The following CREB5 variants were observed in gnomAD, a reference collection of about 807,000 sequenced individuals.
CREB5 encodes the protein cyclic AMP-responsive element-binding protein 5.
In CREB5, 19 loss-of-function variants were observed where a neutral mutation model predicts 57.1. That is an observed-to-expected ratio of 0.33 (90% CI 0.23 to 0.49). The LOEUF is 0.49. CREB5 is among the 20% of genes least tolerant of loss of function. CREB5 has a pLI of 0.99. For synonymous variants in CREB5, 238 were observed against 238.3 expected (o/e 1.00, Z 0.01); for missense variants, 579 against 671.6 (o/e 0.86, Z 1.52).
rs538928344 is a variant in CREB5 at position 28,317,138 on chromosome 7, T to C, written c.-25+17697T>C. On this transcript the variant is annotated intron_variant, in intron 1 of 9. Transcript: ENST00000396299. ...CTGGCAGTATTTATCTGATGATTTT[T>C]TGCATTCTGCTGCCCATATTTCTGG... Among the ~76,000 whole-genome samples, 3 of 152,018 alleles carry C rather than the reference T, an allele frequency of 2.0e-5. No individual in the cohort carries two copies. The South Asian group carries it at 6.3e-4, about 32-fold the overall frequency.
At chr7:28,640,743 T>C (rs970064091) in intron 5 of CREB5, among the ~76,000 whole-genome samples, 1 of 152,180 alleles carries the variant, frequency 6.6e-6, no homozygotes, top group African/African-American at 2.4e-5. Flanking sequence ...AAATGTACGA[T>C]GCTCATTCCT....
intron 5 of CREB5, among the ~76,000 whole-genome samples, chr7:28,658,953 G>GTGTATATATATATATATATATA (rs1400561698): frequency 1.0e-5 from 1 of 99,584 alleles, no homozygotes; most frequent in African/African-American, 3.3e-5. Flanking sequence ...GTGTGTGTGT[G>GTGTATATATATATATATATATA]TATATATATA....
chr7:28,756,221 A>G (rs1210940484), intron 7 of CREB5, among the ~76,000 whole-genome samples: 1 of 151,998 alleles, frequency 6.6e-6, no homozygotes, highest in African/African-American at 2.4e-5. Context: ...GTCGCAGCCA[A>G]ATGAAGGGCT....
intron 7 of CREB5, among the ~76,000 whole-genome samples, chr7:28,803,823 A>G (rs1268121719): frequency 6.6e-6 from 1 of 151,610 alleles, no homozygotes; most frequent in Admixed American, 6.6e-5. Context: ...GTTCAGTGCT[A>G]TCACCATATT....
At chr7:28,614,762 T>C (rs1440101498) in intron 5 of CREB5, among the ~76,000 whole-genome samples, 3 of 152,172 alleles carry the variant, frequency 2.0e-5, no homozygotes, top group Non-Finnish European at 4.4e-5. Flanking sequence ...GTTAGGCTAA[T>C]GTCCCCATCC....
At chr7:28,359,743 C>T (rs1385298099) in intron 1 of CREB5, among the ~76,000 whole-genome samples, 1 of 152,076 alleles carries the variant, frequency 6.6e-6, no homozygotes, top group African/African-American at 2.4e-5. Context: ...ACTTAAAAAG[C>T]TTCTGTACAT....
rs367748074 is a variant in CREB5 at position 28,663,633 on chromosome 7, A to G, written c.465-55120A>G. ...TCTCTGGTTTCTACATGGAAGTATCAGAAACTGAAAGCCTGCTTTTACATG... is the reference window on the plus strand; with the variant it reads ...TCTCTGGTTTCTACATGGAAGTATCGGAAACTGAAAGCCTGCTTTTACATG... On this transcript the variant is annotated intron_variant, in intron 5 of 10. Coordinates refer to ENST00000357727, the MANE Select transcript of CREB5 (RefSeq NM_182898.4). 1.6e-4 allele frequency among the ~76,000 whole-genome samples: 24 copies of G among 152,352 alleles called. 1 individual carries two copies. Among genetic ancestry groups the G allele is most frequent in the Admixed American group, 6.5e-4 (10 of 15,306 alleles).
Position 28,377,171 on chromosome 7 carries a change from C to T in CREB5, c.-25+77730C>T, listed in dbSNP as rs537679501. On this transcript the variant is annotated intron_variant, in intron 1 of 9. Transcript: ENST00000396299. Reference sequence around the variant, plus strand: ...TCCCTTCCTAACATATAGGAATTGGCTCTCTTTTGCTCTGGGGAGCTACAG... The same window carrying T: ...TCCCTTCCTAACATATAGGAATTGGTTCTCTTTTGCTCTGGGGAGCTACAG... Among the ~76,000 whole-genome samples the T allele has an allele frequency of 3.3e-5, 5 of 152,252 alleles. No homozygotes were observed. The South Asian group carries it at 8.3e-4, about 25-fold the overall frequency.
intron 1 of CREB5, among the ~76,000 whole-genome samples, chr7:28,368,114 G>A (rs1007377054): frequency 6.6e-5 from 10 of 152,162 alleles, no homozygotes; most frequent in Non-Finnish European, 1.5e-4. Context: ...GGAACTGGAG[G>A]CCATTATCTT....
intron 5 of CREB5, among the ~76,000 whole-genome samples, chr7:28,613,396 G>T (rs1797473715): frequency 6.6e-6 from 1 of 152,158 alleles, no homozygotes; most frequent in Non-Finnish European, 1.5e-5. Context: ...AACAACTGAG[G>T]CTTAAATTGT....
chr7:28,475,250 C>CTT lies in CREB5; in HGVS notation c.4-12889_4-12888dup, dbSNP rs530903709. On this transcript the variant is annotated intron_variant, in intron 1 of 10. Coordinates refer to ENST00000357727, the MANE Select transcript of CREB5 (RefSeq NM_182898.4). The stretch of plus-strand genomic sequence containing the variant: ...CACTTCATGCGTTATTCAGAAGTTT[C>CTT]TTTTTTTTTTTTTTTTTTTTTTTTT... Among the ~76,000 whole-genome samples, 45 of 59,618 alleles carry CTT rather than the reference C, an allele frequency of 7.5e-4. 6 individuals carry two copies. The highest frequency in any genetic ancestry group is 1.1e-3 in the Non-Finnish European group (39 of 35,012). The allele number at this position is 59,618 out of a possible 152,430, so 39.1% of individuals were successfully genotyped here. A position where few individuals can be genotyped will look rare whatever the true frequency, so the allele number is the denominator to read the frequency against.
At chr7:28,563,760 C>T (rs1366139115) in intron 4 of CREB5, among the ~76,000 whole-genome samples, 1 of 152,140 alleles carries the variant, frequency 6.6e-6, no homozygotes, top group Non-Finnish European at 1.5e-5. Flanking sequence ...CCCCCCTGTG[C>T]TCTCCTCTCC....
At chr7:28,451,826 C>T (rs1789829887) in intron 1 of CREB5, among the ~76,000 whole-genome samples, 1 of 152,080 alleles carries the variant, frequency 6.6e-6, no homozygotes, top group African/African-American at 2.4e-5. Context: ...ATATGCAATT[C>T]ACTTGCCTTA....
intron 1 of CREB5, among the ~76,000 whole-genome samples, chr7:28,464,419 G>A (rs1790472254): frequency 6.6e-6 from 1 of 151,670 alleles, no homozygotes. Context: ...AACTATTGGT[G>A]TTGATTCTTC....
chr7:28,713,005 AC>A (rs1023715902), intron 5 of CREB5, among the ~76,000 whole-genome samples: 1 of 152,164 alleles, frequency 6.6e-6, no homozygotes, highest in Non-Finnish European at 1.5e-5. Flanking sequence ...AGGCTACAAG[AC>A]TTCATTTAAG....
chr7:28,497,665 T>C (rs1380023172), intron 3 of CREB5, among the ~76,000 whole-genome samples: 5 of 152,226 alleles, frequency 3.3e-5, no homozygotes, highest in Admixed American at 6.5e-5. Context: ...AGCTATACAG[T>C]CTGGTTCAAT....
At chr7:28,625,711 G>T (rs1437409324) in intron 5 of CREB5, among the ~76,000 whole-genome samples, 2 of 152,172 alleles carry the variant, frequency 1.3e-5, no homozygotes, top group Non-Finnish European at 2.9e-5. Context: ...CTCCCTCATT[G>T]TCAGGAATGT....
chr7:28,672,186 A>ACAC (rs553407335), intron 5 of CREB5, among the ~76,000 whole-genome samples: 2,102 of 141,842 alleles, frequency 0.015, 15 homozygotes, highest in East Asian at 0.054. Context: ...AAAAAAAAAA[A>ACAC]AAACACACAC....
At chr7:28,433,391 AT>A (rs1788810137) in intron 1 of CREB5, among the ~76,000 whole-genome samples, 1 of 152,208 alleles carries the variant, frequency 6.6e-6, no homozygotes, top group Admixed American at 6.5e-5. Flanking sequence ...TAAAAGGGGT[AT>A]TGAACATTAT....
Sources: allele counts gnomAD v4.1 joint callset (sites outside exome capture counted in the v4.1 genomes callset), GRCh38; gene constraint gnomAD v4.1.1; transcripts MANE v1.5; gene names NCBI Gene and HGNC (gene_info 2026-07-23, HGNC 2026-07-21).